Variants in TAF1C observed in about 807,000 individuals in gnomAD.
The protein encoded by TAF1C is TATA-box binding protein associated factor, RNA polymerase I subunit C.
In TAF1C, 79 loss-of-function variants were observed where a neutral mutation model predicts 70.5. That is an observed-to-expected ratio of 1.12 (90% CI 0.93 to 1.35). TAF1C has a LOEUF of 1.35. TAF1C is among the 40% of genes most tolerant of loss of function. The pLI, the probability that TAF1C is intolerant of heterozygous loss-of-function variation, is 0.00. For missense variants in TAF1C, 1,412 were observed against 1,127.8 expected, an observed-to-expected ratio of 1.25 and a Z score of -3.61; for synonymous variants, 614 against 491.1, an observed-to-expected ratio of 1.25 and a Z score of -3.31.
chr16:84,180,446 G>A, intron 12 of TAF1C, 102 bp from the exon 13 acceptor site: 2 of 1,223,688 alleles, frequency 1.6e-6, no homozygotes, highest in South Asian at 2.9e-5. Flanking sequence ...GCAGAGCCCT[G>A]AGGGGCAGCA....
chr16:84,181,875 T>C lies in TAF1C; in HGVS notation c.839-12A>G. ...GACGGCCAGCAGAGCTGAGGAGGGA[T>C]GGAAAGGGCCAGGGGTCAGGTAGCA... On this transcript the variant is annotated splice_polypyrimidine_tract_variant and intron_variant, in intron 8 of 14. Coordinates refer to ENST00000566732, the MANE Select transcript of TAF1C (RefSeq NM_001243156.2). 6.2e-7 allele frequency: 1 copy of C among 1,613,922 alleles called. No homozygotes were observed. Among genetic ancestry groups the C allele is most frequent in the Non-Finnish European group, 8.5e-7 (1 of 1,179,964 alleles).
intron 12 of TAF1C, chr16:84,180,547 C>T (rs886186648): frequency 9.7e-6 from 6 of 621,362 alleles, no homozygotes; most frequent in Non-Finnish European, 1.3e-5. Context: ...ACCGACAGTC[C>T]GGTGGACAGA....
At position 84,182,545 on chromosome 16, in the gene TAF1C, G is replaced by C. The variant is rs2089264736; in HGVS notation, c.483-105C>G. The C allele has an allele frequency of 3.5e-6, 4 of 1,134,820 alleles. No homozygotes were observed. The Admixed American group carries it at 1.0e-4, about 29-fold the overall frequency. The allele number at this position is 1,134,820 out of a possible 1,614,324, so 70.3% of individuals were successfully genotyped here. A position where few individuals can be genotyped will look rare whatever the true frequency, so the allele number is the denominator to read the frequency against. On this transcript the variant is annotated intron_variant, in intron 6 of 14. Coordinates refer to ENST00000566732, the MANE Select transcript of TAF1C (RefSeq NM_001243156.2). The surrounding 1 kb of genome is among the most constrained non-coding windows in gnomAD (Gnocchi z 5.0). ...AGTGGACACATTTCTTATTTACCTA[G>C]AATTTCTTCCTTTGGGAGACCACCC...
intron 2 of TAF1C, among the ~76,000 whole-genome samples, chr16:84,184,169 C>T (rs1177691294): frequency 6.6e-6 from 1 of 152,226 alleles, no homozygotes; most frequent in Non-Finnish European, 1.5e-5. Context: ...CCTCCCTTTG[C>T]TGGGCTGGCC....
intron 12 of TAF1C, 121 bp downstream of exon 12, chr16:84,180,922 G>A: frequency 1.4e-6 from 2 of 1,448,854 alleles, no homozygotes; most frequent in South Asian, 2.9e-5. Flanking sequence ...ATTCATCCAG[G>A]GTTGAGTTTG....
chr16:84,179,765 A>G lies in TAF1C; in HGVS notation c.1708T>C (p.Tyr570His). The change falls in exon 15 of 15, where the codon TAC becomes CAC. Residue 570 changes from tyrosine to histidine, a missense_variant. Physicochemically the swap from Tyr to His is moderately conservative, Grantham distance 83 (BLOSUM62 2). Transcript: ENST00000566732. ...TCCACCTGGGGGCGGAGCTGCTGGT[A>G]GAAGACATCTCCCGCCGCCGAGAGC... ...FQLSAAGDVF[Y>H]QQLRPQVDSS... 1 of 1,610,042 alleles carries G rather than the reference A, an allele frequency of 6.2e-7. No homozygotes were observed. The highest frequency in any genetic ancestry group is 8.5e-7 in the Non-Finnish European group (1 of 1,178,962).
intron 6 of TAF1C, 37 bp downstream of exon 6, chr16:84,183,039 T>C: frequency 6.2e-7 from 1 of 1,608,600 alleles, no homozygotes; most frequent in Non-Finnish European, 8.5e-7. Context: ...CCACCAGCTA[T>C]GCCTATCCAT....
rs1328428260 is a variant in TAF1C, at chr16:84,179,368, C to T, written c.2105G>A (p.Arg702Gln). Residue 702 changes from arginine to glutamine, a missense_variant, in exon 15 of 15, where the codon CGA becomes CAA. Coordinates refer to ENST00000566732, the MANE Select transcript of TAF1C (RefSeq NM_001243156.2). ...SERLGEAWAG[R>Q]GAAWWERQQG... is the part of the protein sequence containing the mutation. ...CTGCCTCTCCCACCAGGCAGCCCCT[C>T]GGCCTGCCCAGGCTTCCCCCAGGCG... The T allele has an allele frequency of 1.4e-5, 22 of 1,600,134 alleles. No homozygotes were observed. The highest frequency in any genetic ancestry group is 4.5e-5 in the East Asian group (2 of 44,836).
At position 84,180,046 on chromosome 16, in the gene TAF1C, G is replaced by GA. The variant is rs1567586850; in HGVS notation, c.1520_1521insT (p.Gln508ProfsTer19). ...AGTCGATCCTGGAAGGAAGAGACTG[G>GA]GGGGGGCCTGCCAGGCGGGGCACCG... On this transcript the variant is annotated frameshift_variant, in exon 14 of 15. Transcript: ENST00000566732. LOFTEE classifies it high-confidence loss of function. 6.2e-7 allele frequency: 1 copy of GA among 1,607,278 alleles called. No homozygotes were observed.
rs776126956 is a variant in TAF1C, at chr16:84,180,289, T to A, written c.1364A>T (p.Asn455Ile). 6.5e-7 allele frequency: 1 copy of A among 1,549,264 alleles called. No homozygotes were observed. Among genetic ancestry groups the A allele is most frequent in the Non-Finnish European group, 8.7e-7 (1 of 1,148,178 alleles). The change falls in exon 13 of 15, where the codon AAC (asparagine) becomes ATC (isoleucine). Residue 455 changes from asparagine (N) to isoleucine (I), a missense_variant. By Grantham distance (149) the Asn-to-Ile change is moderately radical (BLOSUM62 -3). Coordinates refer to ENST00000566732, the MANE Select transcript of TAF1C (RefSeq NM_001243156.2). ...CAGGAGCGGGGAGGGGAGGCCATGG[T>A]TCCACTTCAGCATCGGCACCAGGGG... Reference protein sequence around the residue: ...RLPLVPMLKWNHGLPSPLLLA... With the variant: ...RLPLVPMLKWIHGLPSPLLLA...
rs1271358878 is a variant in TAF1C, at chr16:84,181,103, C to T, written c.1248G>A (p.Gln416=). The stretch of plus-strand genomic sequence containing the variant: ...ATTTGGGGCTGGAGTGCCCCAGGTA[C>T]TGGGTAAGCAGGACACGTTCCCCTT... ...CQKGERVLLT[Q]YLGHSSPKCL... Residue 416 remains glutamine (Q), a synonymous_variant, in exon 12 of 15, where the codon CAG becomes CAA. Coordinates refer to ENST00000566732, the MANE Select transcript of TAF1C (RefSeq NM_001243156.2). 6.2e-7 allele frequency: 1 copy of T among 1,613,130 alleles called. No individual in the cohort carries two copies. The highest frequency in any genetic ancestry group is 1.3e-5 in the African/African-American group (1 of 75,044).
Position 84,178,086 on chromosome 16 carries a change from A to C in TAF1C, c.*855T>G. 4.1e-6 allele frequency: 2 copies of C among 484,492 alleles called. No individual in the cohort carries two copies. Among genetic ancestry groups the C allele is most frequent in the Non-Finnish European group, 3.8e-6 (1 of 261,556 alleles). 30.0% of individuals were successfully genotyped at this position (484,492 alleles called of 1,614,324 possible). The stretch of plus-strand genomic sequence containing the variant: ...AGCATTTTCCCCACAGGAAAACAGA[A>C]TCTTCCACTGCAGCTAGAGAAACTC... On this transcript the variant is annotated 3_prime_UTR_variant, in exon 15 of 15. Coordinates refer to ENST00000566732, the MANE Select transcript of TAF1C (RefSeq NM_001243156.2).
chr16:84,180,674 G>T, intron 12 of TAF1C: 2 of 760,998 alleles, frequency 2.6e-6, no homozygotes, highest in South Asian at 4.9e-5. Context: ...TGTGCTCGAG[G>T]CACGCCTACG....
Position 84,183,771 on chromosome 16 carries a change from G to A in TAF1C, c.146C>T (p.Ala49Val). 1.2e-6 allele frequency: 2 copies of A among 1,610,846 alleles called. No individual in the cohort carries two copies. The highest frequency in any genetic ancestry group is 1.7e-6 in the Non-Finnish European group (2 of 1,177,638). The change falls in exon 3 of 15, where the codon GCA (alanine) becomes GTA (valine). Residue 49 changes from alanine to valine, a missense_variant. Transcript: ENST00000566732. ...CAGCAGGTCCTTGGTCACATGCAGT[G>A]CCCCATTCTGAAGGGAGGACAATCG... ...EAQPQNSENG[A>V]LHVTKDLLWE...
At chr16:84,185,883 A>G (rs906841403) in intron 1 of TAF1C, among the ~76,000 whole-genome samples, 3 of 152,096 alleles carry the variant, frequency 2.0e-5, no homozygotes, top group African/African-American at 2.4e-5. Flanking sequence ...CTGGGCAACA[A>G]GAGCGAAACT....
intron 3 of TAF1C, 55 bp downstream of exon 3, chr16:84,183,642 G>T (rs1373465897): frequency 3.2e-6 from 5 of 1,567,970 alleles, no homozygotes; most frequent in Non-Finnish European, 4.4e-6. Flanking sequence ...AGCGGGAGCA[G>T]TGGGAAGAAT....
rs2288024 is a variant in TAF1C at position 84,177,859 on chromosome 16, T to C, written c.*1082A>G. 0.038 allele frequency: 60,369 copies of C among 1,586,902 alleles called. 1,318 individuals carry two copies. The highest frequency in any genetic ancestry group is 0.046 in the Admixed American group (2,750 of 59,972). On this transcript the variant is annotated 3_prime_UTR_variant, in exon 15 of 15. Transcript: ENST00000566732. Reference sequence around the variant, plus strand: ...CATCATAGTTTTCCCCAGTTATATGTAGCATAAATGGTTTAATCATAAATG... The same window carrying C: ...CATCATAGTTTTCCCCAGTTATATGCAGCATAAATGGTTTAATCATAAATG...
Position 84,178,425 on chromosome 16 carries a change from A to C in TAF1C, c.*516T>G, listed in dbSNP as rs1056611. 0.15 allele frequency: 66,661 copies of C among 457,770 alleles called. 5,726 individuals carry two copies. The highest frequency in any genetic ancestry group is 0.27 in the African/African-American group (13,369 of 50,188). 28.4% of individuals were successfully genotyped at this position (457,770 alleles called of 1,614,324 possible). A position where few individuals can be genotyped will look rare whatever the true frequency, so the allele number is the denominator to read the frequency against. ...TATTTAGTCCCTGAACCTGGATCCA[A>C]GGCATCTCCCTGTAGGAAACATCAG... On this transcript the variant is annotated 3_prime_UTR_variant, in exon 15 of 15. Transcript: ENST00000566732.
In TAF1C at chr16:84,179,734, C is replaced by T; in HGVS notation, c.1739G>A (p.Ser580Asn). 2 of 1,611,670 alleles carry T rather than the reference C, an allele frequency of 1.2e-6. No homozygotes were observed. The highest frequency in any genetic ancestry group is 1.7e-6 in the Non-Finnish European group (2 of 1,179,674). The change falls in exon 15 of 15, where the codon AGC (serine) becomes AAC (asparagine). Residue 580 changes from serine (S) to asparagine (N), a missense_variant. Transcript: ENST00000566732. ...AGGAGGCCCAGCATCTCTGCGGAGG[C>T]TGGAGTCCACCTGGGGGCGGAGCTG... ...YQQLRPQVDSSLRRDAGPPGD... is the reference protein window; with the variant it reads ...YQQLRPQVDSNLRRDAGPPGD...
Sources: allele counts gnomAD v4.1 joint callset (sites outside exome capture counted in the v4.1 genomes callset), GRCh38; gene constraint gnomAD v4.1.1; non-coding constraint Gnocchi (gnomAD v3.1); transcripts MANE v1.5; gene names NCBI Gene and HGNC (gene_info 2026-07-23, HGNC 2026-07-21).